The following ATP13A4 variants were observed in gnomAD, a reference collection of about 807,000 sequenced individuals.
ATP13A4 encodes ATPase 13A4.
ATP13A4 carries 114 observed loss-of-function variants against 142.5 expected under a neutral mutation model. That is an observed-to-expected ratio of 0.80 (90% confidence interval 0.69 to 0.93). The LOEUF is 0.93. ATP13A4 is among the 40% of genes least tolerant of loss of function. ATP13A4 has a pLI of 0.00. For missense variants in ATP13A4, 1,392 were observed against 1,454.0 expected (o/e 0.96, Z 0.69); for synonymous variants, 488 against 514.8 (o/e 0.95, Z 0.70).
chr3:193,550,599 C>T (rs139902380), intron 1 of ATP13A4, among the ~76,000 whole-genome samples: 243 of 152,268 alleles, frequency 1.6e-3, no homozygotes, highest in African/African-American at 5.7e-3. Flanking sequence ...AGCCATGGCG[C>T]GCAGCCTGCA....
intron 13 of ATP13A4, among the ~76,000 whole-genome samples, chr3:193,460,933 T>C (rs1435530031): frequency 1.3e-5 from 2 of 152,214 alleles, no homozygotes; most frequent in African/African-American, 4.8e-5. Context: ...TGAGCTCACC[T>C]TTAACAAGAA....
At chr3:193,561,918 C>T (rs142060053) in intron 2 of ATP13A4, among the ~76,000 whole-genome samples, 14 of 152,324 alleles carry the variant, frequency 9.2e-5, no homozygotes, top group South Asian at 4.1e-4. Flanking sequence ...CTACCTATGT[C>T]TACCATGGGA....
intron 1 of ATP13A4, among the ~76,000 whole-genome samples, chr3:193,592,370 AAC>A (rs1475679607): frequency 3.9e-5 from 6 of 152,196 alleles, no homozygotes. Context: ...GGGCCTGTCC[AAC>A]ATTGAGAAAT....
chr3:193,458,224 G>T (rs1025709983), intron 14 of ATP13A4, among the ~76,000 whole-genome samples: 2 of 152,206 alleles, frequency 1.3e-5, no homozygotes, highest in Admixed American at 6.5e-5. Flanking sequence ...TGCAGCTCAG[G>T]AGAAAGGAAG....
intron 1 of ATP13A4, among the ~76,000 whole-genome samples, chr3:193,586,673 G>C (rs1724678331): frequency 2.0e-5 from 3 of 152,174 alleles, no homozygotes; most frequent in Admixed American, 2.0e-4. Flanking sequence ...ATTGACTGCA[G>C]AAATAGAGAC....
At position 193,414,709 on chromosome 3, in the gene ATP13A4, G is replaced by A; in HGVS notation, c.2884C>T (p.Pro962Ser). The change falls in exon 26 of 30, where the codon CCT (proline) becomes TCT (serine). Residue 962 changes from proline to serine, a missense_variant. Transcript: ENST00000342695. ...GGTGGAGAGATCAGCCGTCCTGCAG[G>A]TCTGAAAGGCACCAGCTTAGGGTAG... ...GAYPKLVPFR[P>S]AGRLISPPLL... The A allele has an allele frequency of 6.2e-7, 1 of 1,614,118 alleles. No individual in the cohort carries two copies. Among genetic ancestry groups the A allele is most frequent in the Non-Finnish European group, 8.5e-7 (1 of 1,180,004 alleles).
intron 26 of ATP13A4, among the ~76,000 whole-genome samples, chr3:193,413,554 G>C (rs1714889646): frequency 6.6e-6 from 1 of 152,122 alleles, no homozygotes; most frequent in Admixed American, 6.5e-5. Flanking sequence ...TCTTTTCCTA[G>C]CAAGGAATAT....
chr3:193,528,602 G>A (rs755716507), intron 1 of ATP13A4, among the ~76,000 whole-genome samples: 10 of 152,186 alleles, frequency 6.6e-5, no homozygotes, highest in Non-Finnish European at 1.0e-4. Flanking sequence ...ACCCTGGGAT[G>A]CCATACCCAG....
chr3:193,537,524 T>C (rs948432812), intron 1 of ATP13A4, among the ~76,000 whole-genome samples: 1 of 152,196 alleles, frequency 6.6e-6, no homozygotes, highest in Admixed American at 6.5e-5. Context: ...AAAGAGTTCC[T>C]AGACTTGAAA....
intron 7 of ATP13A4, among the ~76,000 whole-genome samples, chr3:193,486,233 A>C (rs1719608491): frequency 6.6e-6 from 1 of 152,116 alleles, no homozygotes; most frequent in Admixed American, 6.5e-5. Flanking sequence ...GTGAACCTCC[A>C]GGGAAAGCTT....
chr3:193,502,698 C>T, intron 2 of ATP13A4, 59 bp from the exon 3 acceptor site: 1 of 1,496,128 alleles, frequency 6.7e-7, no homozygotes, highest in Non-Finnish European at 9.3e-7. Context: ...GGCTACAATT[C>T]AACCTGAGAA....
At chr3:193,405,010 G>A (rs1450436977) in intron 29 of ATP13A4, among the ~76,000 whole-genome samples, 1 of 152,124 alleles carries the variant, frequency 6.6e-6, no homozygotes, top group East Asian at 1.9e-4. Flanking sequence ...CTGGAGGTTC[G>A]ATCATGAGCA....
chr3:193,537,802 C>A, intron 1 of ATP13A4, among the ~76,000 whole-genome samples: 1 of 152,148 alleles, frequency 6.6e-6, no homozygotes, highest in African/African-American at 2.4e-5. Flanking sequence ...CACAAAACAA[C>A]CTGGGTCAAT....
chr3:193,513,412 C>A (rs1721240493), intron 2 of ATP13A4, among the ~76,000 whole-genome samples: 1 of 152,178 alleles, frequency 6.6e-6, no homozygotes, highest in South Asian at 2.1e-4. Flanking sequence ...GGGCCATGGG[C>A]TGATGCATTC....
chr3:193,428,322 A>T (rs372834665), intron 25 of ATP13A4, among the ~76,000 whole-genome samples: 1 of 151,962 alleles, frequency 6.6e-6, no homozygotes, highest in Admixed American at 6.5e-5. Context: ...GAGAAACAGG[A>T]ACACTTTTAC....
chr3:193,538,892 C>CTTTTTTTTTTTTTTTTTTTT (rs67132373), intron 1 of ATP13A4, among the ~76,000 whole-genome samples: 3 of 120,854 alleles, frequency 2.5e-5, no homozygotes, highest in Non-Finnish European at 3.4e-5. Context: ...TTGGTTTTTT[C>CTTTTTTTTTTTTTTTTTTTT]TTTTTTTTTT....
At chr3:193,543,928 G>A (rs1723081196) in intron 1 of ATP13A4, among the ~76,000 whole-genome samples, 1 of 152,182 alleles carries the variant, frequency 6.6e-6, no homozygotes, top group Non-Finnish European at 1.5e-5. Context: ...AGTTTAGCTT[G>A]AATATCTAAA....
At chr3:193,443,168 C>G (rs1435272106) in intron 18 of ATP13A4, among the ~76,000 whole-genome samples, 1 of 152,160 alleles carries the variant, frequency 6.6e-6, no homozygotes, top group Non-Finnish European at 1.5e-5. Context: ...CCCAGTCTTT[C>G]TGGCCAGAAG....
At chr3:193,575,909 T>C (rs913744942) in intron 2 of ATP13A4, among the ~76,000 whole-genome samples, 3 of 152,258 alleles carry the variant, frequency 2.0e-5, no homozygotes, top group East Asian at 3.9e-4. Context: ...AGTGATTTTG[T>C]CCCCCAAGGA....
Sources: allele counts gnomAD v4.1 joint callset (sites outside exome capture counted in the v4.1 genomes callset), GRCh38; gene constraint gnomAD v4.1.1; transcripts MANE v1.5; gene names NCBI Gene and HGNC (gene_info 2026-07-23, HGNC 2026-07-21).